Variants in RNF220 observed in about 807,000 individuals in gnomAD.
RNF220 encodes the protein ring finger protein 220.
RNF220 carries 7 observed loss-of-function variants against 67.1 expected under a neutral mutation model. The observed-to-expected ratio is 0.10, with a 90% CI of 0.06 to 0.20. The LOEUF (loss-of-function observed/expected upper bound fraction) is 0.20, where lower values mean the gene tolerates loss of function less well. Among genes scored for constraint, RNF220 ranks in the 10% least tolerant of loss-of-function variants. RNF220 has a pLI of 1.00. For synonymous variants in RNF220, 270 were observed against 283.2 expected, an observed-to-expected ratio of 0.95 and a Z score of 0.47; for missense variants, 565 against 740.3, an observed-to-expected ratio of 0.76 and a Z score of 2.75.
At chr1:44,482,812 G>A (rs912945728) in intron 2 of RNF220, among the ~76,000 whole-genome samples, 4 of 151,784 alleles carry the variant, frequency 2.6e-5, no homozygotes, top group African/African-American at 7.3e-5. Context: ...ATAGAGACAG[G>A]GTTTCACTAT....
chr1:44,633,220 C>T (rs1212546028), intron 6 of RNF220, among the ~76,000 whole-genome samples: 1 of 152,212 alleles, frequency 6.6e-6, no homozygotes, highest in Non-Finnish European at 1.5e-5. Flanking sequence ...CCATGTTAAG[C>T]ACCATTCTCA....
At chr1:44,450,027 C>CAG (rs974700696) in intron 2 of RNF220, among the ~76,000 whole-genome samples, 1 of 152,130 alleles carries the variant, frequency 6.6e-6, no homozygotes, top group African/African-American at 2.4e-5. Flanking sequence ...GCCTGACCAA[C>CAG]AGAGAGACCC....
chr1:44,434,437 G>A (rs180874323), intron 2 of RNF220, among the ~76,000 whole-genome samples: 8 of 152,204 alleles, frequency 5.3e-5, no homozygotes, highest in East Asian at 1.9e-4. Flanking sequence ...GGCTGGGCGC[G>A]GTGGCTCACC....
At chr1:44,610,458 G>A (rs1209326989) in intron 2 of RNF220, among the ~76,000 whole-genome samples, 1 of 152,096 alleles carries the variant, frequency 6.6e-6, no homozygotes, top group Non-Finnish European at 1.5e-5. Context: ...TGTGCTTCCC[G>A]CATATCCCCA....
chr1:44,483,950 GC>G (rs1656057675), intron 2 of RNF220, among the ~76,000 whole-genome samples: 1 of 152,110 alleles, frequency 6.6e-6, no homozygotes, highest in African/African-American at 2.4e-5. Context: ...GCTAGCCTTG[GC>G]CCTCCTAAGC....
intron 2 of RNF220, among the ~76,000 whole-genome samples, chr1:44,532,885 C>T (rs1362502525): frequency 6.6e-6 from 1 of 152,162 alleles, no homozygotes; most frequent in African/African-American, 2.4e-5. Flanking sequence ...CCCTGAAGAC[C>T]TTCTTGTCAC....
At chr1:44,459,036 T>C (rs1165270194) in intron 2 of RNF220, among the ~76,000 whole-genome samples, 3 of 152,114 alleles carry the variant, frequency 2.0e-5, no homozygotes, top group Non-Finnish European at 1.5e-5. Flanking sequence ...ATTGACTGCC[T>C]AGATCCAAGC....
At chr1:44,586,280 G>T (rs890443324) in intron 2 of RNF220, among the ~76,000 whole-genome samples, 5 of 152,182 alleles carry the variant, frequency 3.3e-5, no homozygotes, top group Admixed American at 3.3e-4. Context: ...ATTCAGGAGA[G>T]ACATCAAATT....
At chr1:44,442,683 T>G (rs540533669) in intron 2 of RNF220, among the ~76,000 whole-genome samples, 2 of 152,020 alleles carry the variant, frequency 1.3e-5, no homozygotes, top group Admixed American at 1.3e-4. Flanking sequence ...CTCAGCTAAT[T>G]TTTTTGTATT....
intron 2 of RNF220, among the ~76,000 whole-genome samples, chr1:44,505,455 G>T (rs553027408): frequency 6.6e-6 from 1 of 152,360 alleles, no homozygotes; most frequent in African/African-American, 2.4e-5. Flanking sequence ...CTCTGGACAG[G>T]TTGCAGTCAG....
intron 2 of RNF220, among the ~76,000 whole-genome samples, chr1:44,610,745 C>T (rs1643260781): frequency 6.6e-6 from 1 of 152,146 alleles, no homozygotes; most frequent in Non-Finnish European, 1.5e-5. Context: ...ACTAAGGATT[C>T]CAGGGGCCTC....
At chr1:44,478,812 G>A (rs1171395576) in intron 2 of RNF220, among the ~76,000 whole-genome samples, 4 of 152,136 alleles carry the variant, frequency 2.6e-5, no homozygotes, top group Non-Finnish European at 5.9e-5. Context: ...CAGGTCCCAC[G>A]GTCCTAGGGG....
At chr1:44,510,604 C>A (rs370947531) in intron 2 of RNF220, among the ~76,000 whole-genome samples, 2 of 152,304 alleles carry the variant, frequency 1.3e-5, no homozygotes, top group East Asian at 1.9e-4. Context: ...CTCAAAGAAG[C>A]CTTTCTGTCC....
At chr1:44,640,326 G>A (rs1573167002) in intron 8 of RNF220, among the ~76,000 whole-genome samples, 1 of 152,354 alleles carries the variant, frequency 6.6e-6, no homozygotes, top group East Asian at 1.9e-4. Context: ...GCACACTGCT[G>A]GAGGCGGTCT....
intron 2 of RNF220, among the ~76,000 whole-genome samples, chr1:44,443,001 G>T (rs1324133489): frequency 6.6e-6 from 1 of 152,136 alleles, no homozygotes; most frequent in East Asian, 1.9e-4. Context: ...GTGGAAATAA[G>T]ACTTCTCAAA....
intron 2 of RNF220, among the ~76,000 whole-genome samples, chr1:44,457,619 A>G (rs1653327575): frequency 6.6e-6 from 1 of 151,982 alleles, no homozygotes; most frequent in Non-Finnish European, 1.5e-5. Flanking sequence ...AAAGTATTTA[A>G]GCAAGGAAGC....
intron 2 of RNF220, among the ~76,000 whole-genome samples, chr1:44,460,784 AGTGCCAGAG>A (rs2147958617): frequency 6.6e-6 from 1 of 152,364 alleles, no homozygotes; most frequent in South Asian, 2.1e-4. Flanking sequence ...CTAAGCCTGA[AGTGCCAGAG>A]GAATAGATTG....
chr1:44,518,193 A>G (rs951777756), intron 2 of RNF220, among the ~76,000 whole-genome samples: 1 of 152,104 alleles, frequency 6.6e-6, no homozygotes, highest in Non-Finnish European at 1.5e-5. Flanking sequence ...TGGGAGGCCA[A>G]GGTGGGAGGA....
At chr1:44,421,120 C>T (rs1202153107) in intron 2 of RNF220, among the ~76,000 whole-genome samples, 2 of 152,184 alleles carry the variant, frequency 1.3e-5, no homozygotes, top group East Asian at 3.8e-4. Flanking sequence ...TGACCTCTTT[C>T]TCCCTTGTTT....
Sources: gnomAD v4.1 joint callset for allele counts (sites outside exome capture counted in the v4.1 genomes callset) on GRCh38, gnomAD v4.1.1 for gene constraint, MANE v1.5 for transcripts, NCBI Gene and HGNC (gene_info 2026-07-23, HGNC 2026-07-21) for gene names.